The following R3HDM4 variants were observed in gnomAD, a reference collection of about 807,000 sequenced individuals.
R3HDM4 encodes R3H domain containing 4.
R3HDM4 carries 30 observed loss-of-function variants against 31.3 expected under a neutral mutation model. That is an observed-to-expected ratio of 0.96 (90% CI 0.72 to 1.30). The LOEUF (loss-of-function observed/expected upper bound fraction) is 1.30. Among genes scored for constraint, R3HDM4 ranks in the 50% most tolerant of loss-of-function variants. R3HDM4 has a pLI of 0.00. For missense variants in R3HDM4, 444 were observed against 366.1 expected (o/e 1.21, Z -1.74); for synonymous variants, 196 against 156.6 (o/e 1.25, Z -1.88).
At chr19:903,104 C>T (rs2036857326) in intron 1 of R3HDM4, among the ~76,000 whole-genome samples, 1 of 152,132 alleles carries the variant, frequency 6.6e-6, no homozygotes, top group Non-Finnish European at 1.5e-5. Flanking sequence ...AGGCCCACAG[C>T]CTTTGGGACG....
chr19:905,327 A>G (rs1372574221), intron 1 of R3HDM4, among the ~76,000 whole-genome samples: 5 of 151,872 alleles, frequency 3.3e-5, no homozygotes, highest in African/African-American at 1.2e-4. Flanking sequence ...AGACACCCCC[A>G]TGTTTAGTCT....
intron 1 of R3HDM4, among the ~76,000 whole-genome samples, chr19:904,528 T>C (rs2965295): frequency 0.22 from 33,188 of 151,996 alleles, 4,656 homozygotes; most frequent in African/African-American, 0.4. Flanking sequence ...TCTAGGCCAG[T>C]TGAGACAAGA....
chr19:899,910 C>G lies in R3HDM4; in HGVS notation c.561+151G>C, dbSNP rs1040616593. On this transcript the variant is annotated intron_variant, in intron 5 of 7. Transcript: ENST00000361574. The surrounding 1 kb of genome is among the most constrained non-coding windows in gnomAD (Gnocchi z 6.8). ...GCAGTGCCCGCCTTCGTTGCCCCCG[C>G]CCTCCTACTCAGGGCCCTGGTGCCG... 2.7e-5 allele frequency: 23 copies of G among 867,646 alleles called. No homozygotes were observed. In the African/African-American group the frequency reaches 3.4e-4, roughly 13 times the overall value. 53.7% of individuals were successfully genotyped at this position (867,646 alleles called of 1,614,324 possible). A position where few individuals can be genotyped will look rare whatever the true frequency, so the allele number is the denominator to read the frequency against.
In R3HDM4 at chr19:899,463, T is replaced by C. The variant is rs766568623; in HGVS notation, c.680A>G (p.Gln227Arg). The C allele has an allele frequency of 6.2e-7, 1 of 1,613,628 alleles. No individual in the cohort carries two copies. Among genetic ancestry groups the C allele is most frequent in the South Asian group, 1.1e-5 (1 of 91,084 alleles). The stretch of plus-strand genomic sequence containing the variant: ...ACTGGCCGAGATGAGGTCCATGTAC[T>C]GGCAGACAGCGTGCAGCAGAAGCCT... The part of the protein sequence containing the change: ...FERLLLHAVC[Q>R]YMDLISASAD... Residue 227 changes from glutamine to arginine, a missense_variant, in exon 7 of 8, where the codon CAG becomes CGG. By Grantham distance (43) the Gln-to-Arg change is conservative (BLOSUM62 1). Transcript: ENST00000361574. The surrounding 1 kb of genome is among the most constrained non-coding windows in gnomAD (Gnocchi z 6.8).
chr19:903,784 C>T (rs1483096435), intron 1 of R3HDM4, among the ~76,000 whole-genome samples: 1 of 151,968 alleles, frequency 6.6e-6, no homozygotes, highest in African/African-American at 2.4e-5. Context: ...GGCGCGGTGG[C>T]TCACGCCTGT....
At chr19:901,938 C>A (rs1275944317) in intron 2 of R3HDM4, 38 bp downstream of exon 2, 2 of 1,610,198 alleles carry the variant, frequency 1.2e-6, no homozygotes, top group African/African-American at 2.7e-5. Flanking sequence ...CTACAAGGCC[C>A]AGGAGCCCCC....
At position 913,070 on chromosome 19, in the gene R3HDM4, C is replaced by G. The variant is rs1410433410; in HGVS notation, c.71+17G>C. 9.7e-7 allele frequency: 1 copy of G among 1,027,948 alleles called. No homozygotes were observed. Among genetic ancestry groups the G allele is most frequent in the South Asian group, 4.4e-5 (1 of 22,732 alleles). 63.7% of individuals were successfully genotyped at this position (1,027,948 alleles called of 1,614,324 possible). ...CCCGCCCCCGGCGCCCGCCGCGCCC[C>G]GCCCGCCCGCGCTCACAGCAGCCGC... On this transcript the variant is annotated intron_variant, in intron 1 of 7. Coordinates refer to ENST00000361574, the MANE Select transcript of R3HDM4 (RefSeq NM_138774.4). This position sits in a 1 kb window ranked among gnomAD's most constrained non-coding sequence, Gnocchi z 5.0.
intron 1 of R3HDM4, among the ~76,000 whole-genome samples, chr19:904,543 C>T (rs2930888): frequency 6.6e-6 from 1 of 151,972 alleles, no homozygotes; most frequent in African/African-American, 2.4e-5. Context: ...ACAAGATTCA[C>T]TCGAGGCAAG....
chr19:897,441 C>A lies in R3HDM4; in HGVS notation c.803G>T (p.Ser268Ile). The change falls in exon 8 of 8, where the codon AGC (serine) becomes ATC (isoleucine). Residue 268 changes from serine to isoleucine, a missense_variant. By Grantham distance (142) the Ser-to-Ile change is moderately radical (BLOSUM62 -2). Transcript: ENST00000361574. ...LLLSAYLEQHS is the reference protein window; with the variant it reads ...LLLSAYLEQHI ...GGGGTCTCCGCGGGGCCGCCATCAGCTGTGCTGCTCCAGGTAGGCGGACAG... is the reference window on the plus strand; with the variant it reads ...GGGGTCTCCGCGGGGCCGCCATCAGATGTGCTGCTCCAGGTAGGCGGACAG... 6.2e-7 allele frequency: 1 copy of A among 1,606,456 alleles called. No individual in the cohort carries two copies. The highest frequency in any genetic ancestry group is 2.2e-5 in the East Asian group (1 of 44,572).
chr19:907,707 T>C lies in R3HDM4; in HGVS notation c.71+5380A>G, dbSNP rs2036923912. ...AGGACCTGCCTGGTCCTTCCCCTGC[T>C]CCAGCACAGCCCATGGCTCCCCAGC... On this transcript the variant is annotated intron_variant, in intron 1 of 7. Coordinates refer to ENST00000361574, the MANE Select transcript of R3HDM4 (RefSeq NM_138774.4). The surrounding 1 kb of genome is among the most constrained non-coding windows in gnomAD (Gnocchi z 4.1). Among the ~76,000 whole-genome samples the C allele has an allele frequency of 6.6e-6, 1 of 152,068 alleles. No individual in the cohort carries two copies. Among genetic ancestry groups the C allele is most frequent in the African/African-American group, 2.4e-5 (1 of 41,408 alleles).
intron 1 of R3HDM4, among the ~76,000 whole-genome samples, chr19:903,721 G>A (rs1004954695): frequency 7.2e-5 from 11 of 152,242 alleles, no homozygotes; most frequent in South Asian, 2.1e-4. Flanking sequence ...GCAATACCGC[G>A]CGCTCCAGCC....
In R3HDM4 at chr19:901,366, G is replaced by A. The variant is rs151076552; in HGVS notation, c.351+56C>T. 7.4e-5 allele frequency: 116 copies of A among 1,561,720 alleles called. 1 individual carries two copies. Among genetic ancestry groups the A allele is most frequent in the Admixed American group, 1.1e-4 (6 of 55,924 alleles). ...GACGGGCACAGGCGATGGCCTGGCC[G>A]TAGGAGAACTGCCGGGGTCCCCGTG... On this transcript the variant is annotated intron_variant, in intron 3 of 7. Transcript: ENST00000361574.
In R3HDM4 at chr19:899,418, C is replaced by T. The variant is rs1408358960; in HGVS notation, c.703+22G>A. ...CAGGTTGAGCTGGCCAACTTGGGGT[C>T]TTGGGGGCCACCGGCACTTACTGGC... On this transcript the variant is annotated intron_variant, in intron 7 of 7. Coordinates refer to ENST00000361574, the MANE Select transcript of R3HDM4 (RefSeq NM_138774.4). This position sits in a 1 kb window ranked among gnomAD's most constrained non-coding sequence, Gnocchi z 6.8. 2 of 1,612,678 alleles carry T rather than the reference C, an allele frequency of 1.2e-6. No homozygotes were observed. The highest frequency in any genetic ancestry group is 1.7e-6 in the Non-Finnish European group (2 of 1,179,582).
At chr19:911,051 G>A (rs534117093) in intron 1 of R3HDM4, among the ~76,000 whole-genome samples, 27 of 152,198 alleles carry the variant, frequency 1.8e-4, no homozygotes, top group African/African-American at 6.0e-4. Flanking sequence ...AACCCAGGAG[G>A]CGGAGCTTGC....
Position 899,625 on chromosome 19 carries a change from A to G in R3HDM4, c.623T>C (p.Val208Ala). Residue 208 changes from valine to alanine, a missense_variant, in exon 6 of 8, where the codon GTG becomes GCG. Coordinates refer to ENST00000361574, the MANE Select transcript of R3HDM4 (RefSeq NM_138774.4). The surrounding 1 kb of genome is among the most constrained non-coding windows in gnomAD (Gnocchi z 6.8). ...CCTGTTGTCTAGCATTGCTGTGTAC[A>G]CGGCCTGGGGGGACACGGAGAAGAA... ...LRFFSVSPQAVYTAMLDNSFE... is the reference protein window; with the variant it reads ...LRFFSVSPQAAYTAMLDNSFE... The G allele has an allele frequency of 1.2e-6, 2 of 1,611,466 alleles. No individual in the cohort carries two copies. The highest frequency in any genetic ancestry group is 1.7e-6 in the Non-Finnish European group (2 of 1,179,026).
intron 2 of R3HDM4, 82 bp downstream of exon 2, chr19:901,894 A>AG: frequency 6.6e-7 from 1 of 1,515,002 alleles, no homozygotes. Flanking sequence ...AGCTCATGGG[A>AG]GGGGTAACAG....
At chr19:911,649 C>T (rs1364794669) in intron 1 of R3HDM4, among the ~76,000 whole-genome samples, 1 of 152,174 alleles carries the variant, frequency 6.6e-6, no homozygotes, top group Admixed American at 6.5e-5. Flanking sequence ...TGGCGCCGTC[C>T]GCACACGGAG....
At chr19:905,481 G>C (rs2036890557) in intron 1 of R3HDM4, among the ~76,000 whole-genome samples, 1 of 147,498 alleles carries the variant, frequency 6.8e-6, no homozygotes, top group African/African-American at 2.6e-5. Flanking sequence ...CTCCAGCCTG[G>C]GCAACAAGAG....
In R3HDM4 at chr19:900,962, A is replaced by C. The variant is rs755573654; in HGVS notation, c.352-10T>G. 1 of 1,555,536 alleles carries C rather than the reference A, an allele frequency of 6.4e-7. No individual in the cohort carries two copies. Among genetic ancestry groups the C allele is most frequent in the Non-Finnish European group, 8.7e-7 (1 of 1,149,522 alleles). On this transcript the variant is annotated splice_polypyrimidine_tract_variant and intron_variant, in intron 3 of 7. Transcript: ENST00000361574. ...TGAAATCGTTCCAGACCTGGAAGAG[A>C]GGCAGGGAGGCAGGCTTGCCATGAA...
Sources: gnomAD v4.1 joint callset for allele counts (sites outside exome capture counted in the v4.1 genomes callset) on GRCh38, gnomAD v4.1.1 for gene constraint, Gnocchi (gnomAD v3.1) non-coding constraint, MANE v1.5 for transcripts, NCBI Gene and HGNC (gene_info 2026-07-23, HGNC 2026-07-21) for gene names.